The following UBR4 variants were observed in gnomAD, a reference collection of about 807,000 sequenced individuals.
UBR4 encodes E3 ubiquitin-protein ligase UBR4.
A neutral mutation model predicts 575.6 loss-of-function variants in UBR4; 124 were observed. The ratio of observed to expected loss-of-function variants is 0.22; its 90% CI spans 0.19 to 0.25. The LOEUF (loss-of-function observed/expected upper bound fraction) is 0.25. Among genes scored for constraint, UBR4 ranks in the 10% least tolerant of loss-of-function variants. The pLI, the probability that UBR4 is intolerant of heterozygous loss-of-function variation, is 1.00. For missense variants in UBR4, 4,818 were observed against 6,478.8 expected (o/e 0.74, Z 8.80); for synonymous variants, 2,455 against 2,473.7 (o/e 0.99, Z 0.22).
At chr1:19,191,645 C>T (rs1371592225) in intron 11 of UBR4, among the ~76,000 whole-genome samples, 1 of 152,128 alleles carries the variant, frequency 6.6e-6, no homozygotes, top group East Asian at 1.9e-4. Context: ...TTGTTTAGTG[C>T]TATATCCTCA....
rs960684885 is a variant in UBR4 at position 19,157,795 on chromosome 1, A to G, written c.5760+20T>C. The G allele has an allele frequency of 6.2e-6, 10 of 1,610,298 alleles. No individual in the cohort carries two copies. The highest frequency in any genetic ancestry group is 8.5e-6 in the Non-Finnish European group (10 of 1,177,040). On this transcript the variant is annotated intron_variant, in intron 40 of 105. Transcript: ENST00000375254. This position sits in a 1 kb window ranked among gnomAD's most constrained non-coding sequence, Gnocchi z 4.4. Reference sequence around the variant, plus strand: ...AGACAATATGACCTAAAGTAAGCGCACAAGAATTGGAGGACCCACCTTGCC... The same window carrying G: ...AGACAATATGACCTAAAGTAAGCGCGCAAGAATTGGAGGACCCACCTTGCC...
chr1:19,097,071 T>C (rs2296105), intron 91 of UBR4, 122 bp downstream of exon 91: 411,166 of 705,104 alleles, frequency 0.58, 122,260 homozygotes, highest in East Asian at 0.79. Context: ...GAAGAAACAA[T>C]CTCCCCACAA....
chr1:19,170,929 C>T (rs1461729561), intron 25 of UBR4, 46 bp from the exon 26 acceptor site: 2 of 1,613,198 alleles, frequency 1.2e-6, no homozygotes, highest in Non-Finnish European at 8.5e-7. Context: ...ATTCTAATCC[C>T]ACCAGTTAGG....
intron 11 of UBR4, among the ~76,000 whole-genome samples, chr1:19,190,132 CAAAA>C (rs889304495): frequency 3.7e-5 from 5 of 135,428 alleles, no homozygotes; most frequent in African/African-American, 1.4e-4. Context: ...ATTAAAAATA[CAAAA>C]AAAAAAAATC....
intron 14 of UBR4, 137 bp from the exon 15 acceptor site, chr1:19,185,423 G>C (rs2151260317): frequency 1.2e-6 from 1 of 842,116 alleles, no homozygotes; most frequent in Non-Finnish European, 1.7e-6. Flanking sequence ...GATTGCATTT[G>C]TGTATCAAAA....
At chr1:19,090,988 C>T (rs1443118478) in intron 97 of UBR4, among the ~76,000 whole-genome samples, 3 of 151,602 alleles carry the variant, frequency 2.0e-5, no homozygotes, top group African/African-American at 4.9e-5. Context: ...TCCAGCTACT[C>T]GGGAGGCTGA....
intron 4 of UBR4, 34 bp from the exon 5 acceptor site, chr1:19,198,714 G>C: frequency 1.9e-6 from 3 of 1,612,986 alleles, no homozygotes; most frequent in Non-Finnish European, 1.7e-6. Context: ...AAGGGCTGAG[G>C]AAAGTGCCAC....
Position 19,122,936 on chromosome 1 carries a change from C to G in UBR4, c.9713G>C (p.Arg3238Pro). 1 of 1,614,212 alleles carries G rather than the reference C, an allele frequency of 6.2e-7. No homozygotes were observed. Among genetic ancestry groups the G allele is most frequent in the Non-Finnish European group, 8.5e-7 (1 of 1,180,036 alleles). Residue 3238 changes from arginine (R) to proline (P), a missense_variant, in exon 66 of 106, where the codon CGT becomes CCT. Transcript: ENST00000375254. The stretch of plus-strand genomic sequence containing the variant: ...CTCTTCTAGCAGCTTCTTGATCCCA[C>G]GCACGTGAGAGTCCAGGGTGTGCAA... ...RDLHTLDSHV[R>P]GIKKLLEEQG...
intron 57 of UBR4, 103 bp from the exon 58 acceptor site, chr1:19,140,995 T>G: frequency 8.1e-7 from 1 of 1,227,654 alleles, no homozygotes; most frequent in Non-Finnish European, 1.1e-6. Context: ...CACCAGCATG[T>G]GACCCCCTCT....
chr1:19,096,709 A>G (rs574383174), intron 91 of UBR4, 59 bp from the exon 92 acceptor site: 104 of 1,600,442 alleles, frequency 6.5e-5, no homozygotes, highest in Non-Finnish European at 8.6e-5. Flanking sequence ...GGAATAAAAT[A>G]GGCCAGGATA....
At position 19,156,339 on chromosome 1, in the gene UBR4, T is replaced by C; in HGVS notation, c.6004A>G (p.Ile2002Val). The change falls in exon 42 of 106, where the codon ATC becomes GTC. Residue 2002 changes from isoleucine to valine, a missense_variant. Ile to Val is a conservative substitution (Grantham distance 29). Transcript: ENST00000375254. Reference protein sequence around the residue: ...LHPQLATGNFIIKAVWLPGSQ... With the variant: ...LHPQLATGNFVIKAVWLPGSQ... ...CCAGGTAACCACACGGCTTTGATGA[T>C]GAAGTTCCCCGTTGCCAACTGAGGG... 1 of 1,614,178 alleles carries C rather than the reference T, an allele frequency of 6.2e-7. No individual in the cohort carries two copies. Among genetic ancestry groups the C allele is most frequent in the East Asian group, 2.2e-5 (1 of 44,872 alleles).
chr1:19,173,256 T>C lies in UBR4; in HGVS notation c.3216A>G (p.Leu1072=). Residue 1072 remains leucine (L), a synonymous_variant, in exon 24 of 106, where the codon CTA becomes CTG. Coordinates refer to ENST00000375254, the MANE Select transcript of UBR4 (RefSeq NM_020765.3). ...GMKAEHASSL[L]ELASTTKCSS... ...TACACTTAGTGGTGGATGCCAGTTC[T>C]AGAAGCGAGCTAGCATGCTCAGCCT... is the stretch of plus-strand genomic sequence containing the variant. The C allele has an allele frequency of 6.2e-7, 1 of 1,614,206 alleles. No homozygotes were observed.
At chr1:19,128,880 C>T (rs543262445) in intron 61 of UBR4, 98 bp downstream of exon 61, 1 of 1,079,912 alleles carries the variant, frequency 9.3e-7, no homozygotes, top group African/African-American at 1.6e-5. Flanking sequence ...GGCCTAACAC[C>T]AAACGAAGGC....
rs186653408 is a variant in UBR4 at position 19,168,850 on chromosome 1, C to T, written c.3741+585G>A. 1.3e-3 allele frequency among the ~76,000 whole-genome samples: 202 copies of T among 151,960 alleles called. No individual in the cohort carries two copies. The Middle Eastern group carries it at 0.014, about 10-fold the overall frequency. On this transcript the variant is annotated intron_variant, in intron 27 of 105. Transcript: ENST00000375254. ...AAAATTAGCTGGGCGTGGTGGTGGGCGCCTGTAGTCCCAGCTACTCGGGAG... is the reference window on the plus strand; with the variant it reads ...AAAATTAGCTGGGCGTGGTGGTGGGTGCCTGTAGTCCCAGCTACTCGGGAG...
chr1:19,167,706 A>C (rs1571363371), intron 28 of UBR4, among the ~76,000 whole-genome samples: 1 of 152,212 alleles, frequency 6.6e-6, no homozygotes, highest in South Asian at 2.1e-4. Flanking sequence ...TCCCACTATG[A>C]TTCTGGAGAA....
At chr1:19,193,404 G>C in intron 9 of UBR4, 29 bp downstream of exon 9, 1 of 1,610,070 alleles carries the variant, frequency 6.2e-7, no homozygotes, top group Non-Finnish European at 8.5e-7. Flanking sequence ...AACAATCAAG[G>C]TTCCCTTATC....
chr1:19,195,104 CAAA>C (rs531082756), intron 8 of UBR4, among the ~76,000 whole-genome samples: 85 of 142,246 alleles, frequency 6.0e-4, no homozygotes, highest in African/African-American at 2.1e-3. Flanking sequence ...ACTAAAAATA[CAAA>C]AAAAAAAATT....
At position 19,154,710 on chromosome 1, in the gene UBR4, C is replaced by G. The variant is rs552045738; in HGVS notation, c.6458+208G>C. Among the ~76,000 whole-genome samples, 49 of 152,300 alleles carry G rather than the reference C, an allele frequency of 3.2e-4. 1 individual carries two copies. The South Asian group carries it at 7.5e-3, about 23-fold the overall frequency. ...AACTACCTCTGACAGCTTGGGGTCT[C>G]CACAGTGGAGGACAAACCGTGCAGA... On this transcript the variant is annotated intron_variant, in intron 44 of 105. Coordinates refer to ENST00000375254, the MANE Select transcript of UBR4 (RefSeq NM_020765.3).
chr1:19,158,086 G>A, intron 39 of UBR4, 89 bp from the exon 40 acceptor site: 1 of 1,377,386 alleles, frequency 7.3e-7, no homozygotes, highest in South Asian at 1.4e-5. Context: ...CTGAGACACT[G>A]CACAATTCAG....
Sources: allele counts gnomAD v4.1 joint callset (sites outside exome capture counted in the v4.1 genomes callset), GRCh38; gene constraint gnomAD v4.1.1; non-coding constraint Gnocchi (gnomAD v3.1); transcripts MANE v1.5; gene names NCBI Gene and HGNC (gene_info 2026-07-23, HGNC 2026-07-21).